HDHD5: variants seen among roughly 807,000 people sequenced by gnomAD.
HDHD5 encodes haloacid dehalogenase like hydrolase domain containing 5.
In HDHD5, 34 loss-of-function variants were observed where a neutral mutation model predicts 35.5. The observed-to-expected ratio is 0.96, with a 90% CI of 0.73 to 1.28. The LOEUF (loss-of-function observed/expected upper bound fraction) is 1.28, where lower values mean the gene tolerates loss of function less well. Among genes scored for constraint, HDHD5 ranks in the 50% most tolerant of loss-of-function variants. HDHD5 has a pLI of 0.00. For synonymous variants in HDHD5, 248 were observed against 240.6 expected, an observed-to-expected ratio of 1.03 and a Z score of -0.29; for missense variants, 589 against 560.2, an observed-to-expected ratio of 1.05 and a Z score of -0.52.
chr22:17,155,536 C>T (rs755179383), intron 1 of HDHD5, among the ~76,000 whole-genome samples: 1 of 152,040 alleles, frequency 6.6e-6, no homozygotes, highest in Non-Finnish European at 1.5e-5. Flanking sequence ...TGACCCACCG[C>T]GCCCGGCCCA....
chr22:17,157,391 G>A (rs546257559), intron 1 of HDHD5, among the ~76,000 whole-genome samples: 31 of 150,796 alleles, frequency 2.1e-4, no homozygotes, highest in African/African-American at 4.4e-4. Context: ...TCAGCCTCCC[G>A]AGTAGCTGGG....
chr22:17,158,878 G>C, intron 1 of HDHD5: 1 of 293,438 alleles, frequency 3.4e-6, no homozygotes, highest in East Asian at 5.6e-5. Flanking sequence ...CTGACAAGCA[G>C]CCTGGCCCAG....
chr22:17,140,954 C>A (rs1012992417), intron 6 of HDHD5, 105 bp downstream of exon 6: 1 of 1,096,390 alleles, frequency 9.1e-7, no homozygotes, highest in East Asian at 2.9e-5. Flanking sequence ...TAAGTGAGGT[C>A]CCGGCACCTG....
intron 3 of HDHD5, among the ~76,000 whole-genome samples, chr22:17,146,585 G>A (rs1252185353): frequency 1.8e-5 from 1 of 55,354 alleles, no homozygotes; most frequent in Non-Finnish European, 3.4e-5. Context: ...TCGATCACAC[G>A]CCATCGCACA....
At chr22:17,155,193 T>C (rs1215233819) in intron 1 of HDHD5, among the ~76,000 whole-genome samples, 1 of 152,102 alleles carries the variant, frequency 6.6e-6, no homozygotes, top group Non-Finnish European at 1.5e-5. Flanking sequence ...TACATAGTTT[T>C]AACGGTCATT....
chr22:17,165,173 C>G, intron 1 of HDHD5: 1 of 768,740 alleles, frequency 1.3e-6, no homozygotes, highest in Non-Finnish European at 2.4e-6. Context: ...ATACTCCTGG[C>G]CTCTCTCTAC....
In HDHD5 at chr22:17,140,800, G is replaced by A. The variant is rs565722094; in HGVS notation, c.746+259C>T. ...AAGAGCATGTTCTGTAAAGATTACA[G>A]GGGGCAGGGGTCACGTGTGAAACAT... On this transcript the variant is annotated intron_variant, in intron 6 of 7. Coordinates refer to ENST00000336737, the MANE Select transcript of HDHD5 (RefSeq NM_033070.3). Among the ~76,000 whole-genome samples the A allele has an allele frequency of 2.6e-5, 4 of 152,334 alleles. No homozygotes were observed. In the East Asian group the frequency reaches 7.7e-4, roughly 29 times the overall value.
chr22:17,159,011 G>A (rs1422919833), intron 1 of HDHD5, 115 bp downstream of exon 1: 1 of 981,904 alleles, frequency 1.0e-6, no homozygotes, highest in East Asian at 4.3e-5. Flanking sequence ...CGACGGTCCA[G>A]GCAGTTCCCA....
chr22:17,141,900 A>C (rs2061604562), intron 5 of HDHD5: 1 of 152,334 alleles, frequency 6.6e-6, no homozygotes, highest in African/African-American at 2.4e-5. Flanking sequence ...GCACCAGACC[A>C]GTGATTCTCC....
intron 2 of HDHD5, 138 bp from the exon 3 acceptor site, chr22:17,148,698 A>G: frequency 1.5e-6 from 1 of 646,850 alleles, no homozygotes; most frequent in East Asian, 2.6e-5. Flanking sequence ...AGCCCTTTCT[A>G]GCACCCAGCA....
intron 1 of HDHD5, among the ~76,000 whole-genome samples, chr22:17,157,085 T>TACACACAC (rs58807817): frequency 0.23 from 33,465 of 143,478 alleles, 4,701 homozygotes; most frequent in East Asian, 0.46. Context: ...CTCACACACA[T>TACACACAC]ACACACACAC....
intron 6 of HDHD5, 99 bp downstream of exon 6, chr22:17,140,960 A>AC (rs1674546210): frequency 5.2e-6 from 6 of 1,164,712 alleles, no homozygotes; most frequent in Non-Finnish European, 7.1e-6. Context: ...AGGTCCCGGC[A>AC]CCTGGGGTGT....
intron 3 of HDHD5, among the ~76,000 whole-genome samples, chr22:17,147,390 T>C (rs34399544): frequency 9.0e-3 from 425 of 47,362 alleles, no homozygotes; most frequent in Middle Eastern, 0.025. Flanking sequence ...TTCGATCACA[T>C]GCCATCGCAC....
Position 17,140,844 on chromosome 22 carries a change from G to C in HDHD5, c.746+215C>G, listed in dbSNP as rs903774468. Among the ~76,000 whole-genome samples the C allele has an allele frequency of 1.8e-4, 28 of 152,198 alleles. 1 individual carries two copies. Among genetic ancestry groups the C allele is most frequent in the Non-Finnish European group, 3.7e-4 (25 of 68,032 alleles). ...GAAACATCCTCTCAATACATCCTCA[G>C]ACTCCATAATCTGTAGTTTAGGTTT... is the stretch of plus-strand genomic sequence containing the variant. On this transcript the variant is annotated intron_variant, in intron 6 of 7. Coordinates refer to ENST00000336737, the MANE Select transcript of HDHD5 (RefSeq NM_033070.3).
chr22:17,160,018 G>A (rs1326103173), upstream of HDHD5, among the ~76,000 whole-genome samples: 2 of 152,252 alleles, frequency 1.3e-5, no homozygotes, highest in Non-Finnish European at 2.9e-5. Context: ...TAGCAGAGCT[G>A]GATCTGGTAG....
chr22:17,164,222 GAA>G (rs60212114), upstream of HDHD5, among the ~76,000 whole-genome samples: 3 of 111,962 alleles, frequency 2.7e-5, no homozygotes, highest in African/African-American at 6.5e-5. Flanking sequence ...CTCCATCTCA[GAA>G]AAAAAAAAAA....
intron 1 of HDHD5, among the ~76,000 whole-genome samples, chr22:17,156,150 ACT>A (rs35983219): frequency 0.25 from 37,829 of 152,066 alleles, 5,013 homozygotes; most frequent in Middle Eastern, 0.33. Flanking sequence ...AGAAGAAAGC[ACT>A]GTTATCGCAG....
rs184155979 is a variant in HDHD5, at chr22:17,149,650, C to T, written c.222G>A (p.Leu74=). Residue 74 remains leucine (L), a synonymous_variant, in exon 2 of 8, where the codon CTG becomes CTA. Coordinates refer to ENST00000336737, the MANE Select transcript of HDHD5 (RefSeq NM_033070.3). ...CCCGCAGCTGCCCCTGGGAGTTCAC[C>T]AGCCTTCGGAAGGCTTTCAGAGCAG... ...IPAALKAFRR[L]VNSQGQLRVP... The T allele has an allele frequency of 1.0e-4, 163 of 1,613,842 alleles. 1 individual carries two copies. The East Asian group carries it at 1.4e-3, about 14-fold the overall frequency.
Position 17,139,067 on chromosome 22 carries a change from C to T in HDHD5, c.747-329G>A, listed in dbSNP as rs528717598. On this transcript the variant is annotated intron_variant, in intron 6 of 7. Transcript: ENST00000336737. ...GTAGAGCTGAGGCAGACTACGGTTG[C>T]GCTTCTCCCCTTCTTTGCTGGTGTC... is the stretch of plus-strand genomic sequence containing the variant. Among the ~76,000 whole-genome samples the T allele has an allele frequency of 7.2e-5, 11 of 152,314 alleles. No homozygotes were observed. The East Asian group carries it at 9.6e-4, about 13-fold the overall frequency.
Sources: allele counts gnomAD v4.1 joint callset (sites outside exome capture counted in the v4.1 genomes callset), GRCh38; gene constraint gnomAD v4.1.1; transcripts MANE v1.5; gene names NCBI Gene and HGNC (gene_info 2026-07-23, HGNC 2026-07-21).